Variants in CSMD3 observed in about 807,000 individuals in gnomAD.
CSMD3 encodes CUB and sushi domain-containing protein 3.
Under a neutral mutation model 435.2 loss-of-function variants are expected in CSMD3, and 177 were observed. The observed-to-expected ratio is 0.41, with a 90% CI of 0.36 to 0.46. The LOEUF (loss-of-function observed/expected upper bound fraction) is 0.46. Among genes scored for constraint, CSMD3 ranks in the 20% least tolerant of loss-of-function variants. The pLI is 0.34. For synonymous variants in CSMD3, 1,656 were observed against 1,520.5 expected, an observed-to-expected ratio of 1.09 and a Z score of -2.07; for missense variants, 4,265 against 4,504.6, an observed-to-expected ratio of 0.95 and a Z score of 1.52.
chr8:112,448,137 C>G (rs1815830529), intron 32 of CSMD3, among the ~76,000 whole-genome samples: 1 of 152,184 alleles, frequency 6.6e-6, no homozygotes. Context: ...ACAAGCATGG[C>G]TAGGCTCTCA....
chr8:113,046,255 G>A (rs1261573190), intron 5 of CSMD3, among the ~76,000 whole-genome samples: 2 of 148,804 alleles, frequency 1.3e-5, no homozygotes, highest in African/African-American at 4.9e-5. Context: ...TACCCCACAG[G>A]GAACAACAGC....
chr8:112,800,305 TGG>T, intron 12 of CSMD3, 31 bp from the exon 13 acceptor site: 1 of 1,343,646 alleles, frequency 7.4e-7, no homozygotes, highest in Non-Finnish European at 1.1e-6. Context: ...AAGGGAGAGA[TGG>T]GTTATTAAAA....
intron 13 of CSMD3, among the ~76,000 whole-genome samples, chr8:112,695,354 T>C (rs936938914): frequency 2.6e-5 from 4 of 152,196 alleles, no homozygotes; most frequent in African/African-American, 9.7e-5. Flanking sequence ...GTCAATATTA[T>C]TTTCTTTCTC....
rs565905078 is a variant in CSMD3 at position 112,531,295 on chromosome 8, A to T, written c.4565-14070T>A. On this transcript the variant is annotated intron_variant, in intron 27 of 70. Transcript: ENST00000297405. ...GAAATCTGCTACCCTGGCAGGATGG[A>T]ACAAACCCAAATCTGAGCTGGCTTC... Among the ~76,000 whole-genome samples the T allele has an allele frequency of 9.9e-5, 15 of 152,236 alleles. No individual in the cohort carries two copies. In the South Asian group the frequency reaches 2.9e-3, roughly 30 times the overall value.
At chr8:113,004,179 T>G (rs931573298) in intron 6 of CSMD3, among the ~76,000 whole-genome samples, 2 of 151,970 alleles carry the variant, frequency 1.3e-5, no homozygotes, top group South Asian at 2.1e-4. Context: ...CAACAAAATA[T>G]TAAGGACTAC....
At chr8:113,141,635 A>G in intron 4 of CSMD3, among the ~76,000 whole-genome samples, 1 of 151,028 alleles carries the variant, frequency 6.6e-6, no homozygotes, top group East Asian at 1.9e-4. Context: ...TAAATTCAAC[A>G]TTCATGATTT....
intron 5 of CSMD3, among the ~76,000 whole-genome samples, chr8:113,036,286 T>C (rs1244038179): frequency 6.6e-6 from 1 of 152,026 alleles, no homozygotes; most frequent in Non-Finnish European, 1.5e-5. Flanking sequence ...CTGGAAAGTG[T>C]AATGCCTAAC....
At chr8:113,278,745 T>C (rs2093590693) in intron 2 of CSMD3, 41 bp from the exon 3 acceptor site, 1 of 920,708 alleles carries the variant, frequency 1.1e-6, no homozygotes, top group Non-Finnish European at 1.8e-6. Context: ...CATAATCATT[T>C]TATCTAAGAG....
At chr8:112,540,712 A>G (rs1482083258) in intron 27 of CSMD3, among the ~76,000 whole-genome samples, 1 of 151,936 alleles carries the variant, frequency 6.6e-6, no homozygotes, top group Non-Finnish European at 1.5e-5. Flanking sequence ...TCACTTATAT[A>G]TGGGGGCTAA....
Position 113,065,669 on chromosome 8 carries a change from T to C in CSMD3, c.917+33087A>G, listed in dbSNP as rs2088823522. Among the ~76,000 whole-genome samples the C allele has an allele frequency of 3.9e-5, 6 of 152,192 alleles. No homozygotes were observed. In the South Asian group the frequency reaches 1.2e-3, roughly 32 times the overall value. On this transcript the variant is annotated intron_variant, in intron 5 of 70. Coordinates refer to ENST00000297405, the MANE Select transcript of CSMD3 (RefSeq NM_198123.2). ...TCCCGAAGTGCTGGGATTACAGGCG[T>C]GAGCCACCGTGCCTGGCAAAAACAG...
intron 3 of CSMD3, among the ~76,000 whole-genome samples, chr8:113,247,081 A>G (rs2093283574): frequency 1.3e-5 from 2 of 152,206 alleles, no homozygotes; most frequent in Non-Finnish European, 2.9e-5. Context: ...CTGTAGGATT[A>G]TGTCAAAGGC....
intron 10 of CSMD3, among the ~76,000 whole-genome samples, chr8:112,895,710 A>G (rs1287738940): frequency 4.6e-5 from 7 of 151,400 alleles, no homozygotes; most frequent in Admixed American, 6.6e-5. Flanking sequence ...GGAAAAATAA[A>G]GTGTTAATGT....
intron 7 of CSMD3, among the ~76,000 whole-genome samples, chr8:112,970,311 G>C (rs1459451523): frequency 6.7e-6 from 1 of 149,280 alleles, no homozygotes; most frequent in African/African-American, 2.5e-5. Context: ...CTTAAATATG[G>C]CATGAACCCA....
chr8:112,373,594 A>T (rs1828659683), intron 38 of CSMD3, among the ~76,000 whole-genome samples: 1 of 152,146 alleles, frequency 6.6e-6, no homozygotes, highest in Admixed American at 6.6e-5. Context: ...CTCAACCAGC[A>T]TTTTGAGGCA....
At chr8:112,279,393 C>T (rs565315995) in intron 59 of CSMD3, among the ~76,000 whole-genome samples, 2 of 152,134 alleles carry the variant, frequency 1.3e-5, no homozygotes, top group Non-Finnish European at 2.9e-5. Context: ...GAAACTGTTG[C>T]TTTGCCTAAA....
intron 31 of CSMD3, among the ~76,000 whole-genome samples, chr8:112,484,854 T>A (rs1252486933): frequency 6.6e-6 from 1 of 152,100 alleles, no homozygotes; most frequent in Non-Finnish European, 1.5e-5. Flanking sequence ...GTTCAACTGG[T>A]AAGTATAAAT....
intron 7 of CSMD3, among the ~76,000 whole-genome samples, chr8:112,967,092 G>A (rs183322130): frequency 7.0e-4 from 107 of 151,858 alleles, no homozygotes; most frequent in Non-Finnish European, 1.4e-3. Context: ...ATTCCATCAA[G>A]TCATGATCTG....
At chr8:113,077,689 C>A (rs1461999979) in intron 5 of CSMD3, among the ~76,000 whole-genome samples, 1 of 152,034 alleles carries the variant, frequency 6.6e-6, no homozygotes, top group Admixed American at 6.5e-5. Flanking sequence ...GGTGACAGAG[C>A]AAGACTCTTG....
intron 2 of CSMD3, chr8:113,310,864 A>G (rs1362945772): frequency 6.6e-6 from 1 of 151,926 alleles, no homozygotes; most frequent in Non-Finnish European, 1.5e-5. Flanking sequence ...AATATAATAG[A>G]ATGATAATTA....
Sources: allele counts gnomAD v4.1 joint callset (sites outside exome capture counted in the v4.1 genomes callset), GRCh38; gene constraint gnomAD v4.1.1; transcripts MANE v1.5; gene names NCBI Gene and HGNC (gene_info 2026-07-23, HGNC 2026-07-21).